Variants in ZNF560 observed in about 807,000 individuals in gnomAD.
ZNF560 encodes the protein zinc finger protein 560.
A neutral mutation model predicts 81.8 loss-of-function variants in ZNF560; 54 were observed. That is an observed-to-expected ratio of 0.66 (90% CI 0.53 to 0.83). ZNF560 has a LOEUF of 0.83. ZNF560 is among the 40% of genes least tolerant of loss of function. The pLI is 0.00. For missense variants in ZNF560, 940 were observed against 932.4 expected, an observed-to-expected ratio of 1.01 and a Z score of -0.11; for synonymous variants, 321 against 317.9, an observed-to-expected ratio of 1.01 and a Z score of -0.10.
chr19:9,475,379 A>G lies in ZNF560; in HGVS notation c.-56-10T>C, dbSNP rs1045038896. 1 of 1,533,926 alleles carries G rather than the reference A, an allele frequency of 6.5e-7. No individual in the cohort carries two copies. Among genetic ancestry groups the G allele is most frequent in the Admixed American group, 1.7e-5 (1 of 58,092 alleles). The stretch of plus-strand genomic sequence containing the variant: ...GGGTTCCTAGAAAGACCTGGAAAAG[A>G]AAGAAGGCATAAGAGCCCAGACATA... On this transcript the variant is annotated splice_polypyrimidine_tract_variant and intron_variant, in intron 2 of 9. Transcript: ENST00000301480.
chr19:9,499,458 G>A (rs2073613220), upstream of ZNF560, among the ~76,000 whole-genome samples: 1 of 152,330 alleles, frequency 6.6e-6, no homozygotes, highest in African/African-American at 2.4e-5. Context: ...CACTCCCGAA[G>A]TGGGATTACA....
chr19:9,456,997 T>C, the ZNF560 span, among the ~76,000 whole-genome samples: 197 of 152,284 alleles, frequency 1.3e-3, no homozygotes, highest in African/African-American at 4.6e-3. Context: ...GATACCATTT[T>C]TGATGGTAAG....
intron 5 of ZNF560, among the ~76,000 whole-genome samples, chr19:9,472,065 G>A (rs1024842241): frequency 4.6e-5 from 7 of 151,482 alleles, no homozygotes; most frequent in Non-Finnish European, 4.4e-5. Context: ...AGCCAAGATC[G>A]TGCCACTGCA....
chr19:9,502,912 T>C (rs942602669), upstream of ZNF560, among the ~76,000 whole-genome samples: 2 of 152,232 alleles, frequency 1.3e-5, no homozygotes, highest in Non-Finnish European at 2.9e-5. Context: ...TTTAGTTTCA[T>C]TGATTCTCAT....
chr19:9,477,196 T>G (rs190476925), intron 2 of ZNF560, among the ~76,000 whole-genome samples: 11 of 152,288 alleles, frequency 7.2e-5, no homozygotes, highest in Admixed American at 7.2e-4. Context: ...TATATACACA[T>G]ACATATGTGC....
At chr19:9,464,581 AT>A (rs1348534443), downstream of ZNF560, among the ~76,000 whole-genome samples, 1 of 152,212 alleles carries the variant, frequency 6.6e-6, no homozygotes, top group Non-Finnish European at 1.5e-5. Flanking sequence ...GTATTTTTAC[AT>A]TTTAAAGCTG....
chr19:9,457,046 G>A, the ZNF560 span, among the ~76,000 whole-genome samples: 16 of 152,206 alleles, frequency 1.1e-4, no homozygotes, highest in Admixed American at 2.6e-4. Context: ...TGACAGACAG[G>A]CCAATATGGA....
chr19:9,468,297 T>C lies in ZNF560; in HGVS notation c.650A>G (p.Lys217Arg). The change falls in exon 10 of 10, where the codon AAG becomes AGG. Residue 217 changes from lysine to arginine, a missense_variant. By Grantham distance (26) the Lys-to-Arg change is conservative. Transcript: ENST00000301480. ...NQNGEELYDC[K>R]QCEDVFCKHP... ...TTTACAGAAGACATCTTCACATTGC[T>C]TACAGTCATAGAGTTCCTCTCCATT... 6.2e-7 allele frequency: 1 copy of C among 1,610,524 alleles called. No individual in the cohort carries two copies.
At chr19:9,471,721 G>C (rs2144692019) in intron 5 of ZNF560, among the ~76,000 whole-genome samples, 1 of 152,322 alleles carries the variant, frequency 6.6e-6, no homozygotes, top group South Asian at 2.1e-4. Flanking sequence ...TAGAAAGTTG[G>C]AGTAGATGGA....
At chr19:9,501,620 G>A (rs998974072), upstream of ZNF560, among the ~76,000 whole-genome samples, 9 of 150,234 alleles carry the variant, frequency 6.0e-5, no homozygotes, top group South Asian at 6.3e-4. Flanking sequence ...CTCAGCCTCC[G>A]AAAGTGCTGG....
the ZNF560 span, among the ~76,000 whole-genome samples, chr19:9,447,755 GAGAA>G: frequency 6.6e-6 from 1 of 152,122 alleles, no homozygotes; most frequent in African/African-American, 2.4e-5. Flanking sequence ...ATTCCAGGGA[GAGAA>G]AGAGAAAAAG....
chr19:9,451,969 A>T, the ZNF560 span, among the ~76,000 whole-genome samples: 2 of 152,048 alleles, frequency 1.3e-5, no homozygotes, highest in Non-Finnish European at 2.9e-5. Flanking sequence ...CCAGCTACTC[A>T]TGAGGCTGAG....
In ZNF560 at chr19:9,475,401, C is replaced by CTT. The variant is rs2073184973; in HGVS notation, c.-56-33_-56-32insAA. 2.3e-6 allele frequency: 3 copies of CTT among 1,312,884 alleles called. No individual in the cohort carries two copies. In the East Asian group the frequency reaches 7.0e-5, roughly 31 times the overall value. The allele number at this position is 1,312,884 out of a possible 1,614,324, so 81.3% of individuals were successfully genotyped here. A position where few individuals can be genotyped will look rare whatever the true frequency, so the allele number is the denominator to read the frequency against. On this transcript the variant is annotated intron_variant, in intron 2 of 9. Coordinates refer to ENST00000301480, the MANE Select transcript of ZNF560 (RefSeq NM_152476.3). ...AAGAAAGAAGGCATAAGAGCCCAGA[C>CTT]ATAATCACAGTTCCAACATTCGCAT...
chr19:9,491,265 A>G (rs2073468347), intron 2 of ZNF560, among the ~76,000 whole-genome samples: 1 of 152,010 alleles, frequency 6.6e-6, no homozygotes, highest in African/African-American at 2.4e-5. Flanking sequence ...GGTGCACATT[A>G]CTACACCAGG....
the ZNF560 span, among the ~76,000 whole-genome samples, chr19:9,457,494 C>A: frequency 2.0e-4 from 30 of 152,292 alleles, no homozygotes; most frequent in African/African-American, 7.2e-4. Flanking sequence ...AGCAATTGAA[C>A]CTACTCATAA....
the ZNF560 span, among the ~76,000 whole-genome samples, chr19:9,449,974 CAAAAAAAAAAAA>C: frequency 4.6e-5 from 2 of 43,376 alleles, no homozygotes; most frequent in African/African-American, 7.2e-5. Context: ...AACTCTGTCT[CAAAAAAAAAAAA>C]AAAAAAAAAA....
At position 9,466,434 on chromosome 19, in the gene ZNF560, A is replaced by G. The variant is rs2073017203; in HGVS notation, c.*140T>C. The G allele has an allele frequency of 1.4e-6, 1 of 736,984 alleles. No homozygotes were observed. Among genetic ancestry groups the G allele is most frequent in the Non-Finnish European group, 2.2e-6 (1 of 455,006 alleles). The allele number at this position is 736,984 out of a possible 1,614,324, so 45.7% of individuals were successfully genotyped here. On this transcript the variant is annotated 3_prime_UTR_variant, in exon 10 of 10. Transcript: ENST00000301480. Reference sequence around the variant, plus strand: ...CTACAGTGTGAGTTTGTACATATCTAGAAAGATTCAACTGTTCAGGCTTTC... The same window carrying G: ...CTACAGTGTGAGTTTGTACATATCTGGAAAGATTCAACTGTTCAGGCTTTC...
At chr19:9,464,036 G>T (rs1224461589), downstream of ZNF560, among the ~76,000 whole-genome samples, 1 of 152,146 alleles carries the variant, frequency 6.6e-6, no homozygotes, top group African/African-American at 2.4e-5. Context: ...ACACTGGCTG[G>T]ATTAAGAACC....
At position 9,468,476 on chromosome 19, in the gene ZNF560, C is replaced by T; in HGVS notation, c.613-142G>A. The T allele has an allele frequency of 4.9e-6, 3 of 614,104 alleles. No homozygotes were observed. The East Asian group carries it at 9.0e-5, about 18-fold the overall frequency. 38.0% of individuals were successfully genotyped at this position (614,104 alleles called of 1,614,324 possible). A position where few individuals can be genotyped will look rare whatever the true frequency, so the allele number is the denominator to read the frequency against. ...TTTCTACCTTTTGGATTTCCTTCAA[C>T]TTGAATAATGGAACCCTACTGTAAG... On this transcript the variant is annotated intron_variant, in intron 9 of 9. Coordinates refer to ENST00000301480, the MANE Select transcript of ZNF560 (RefSeq NM_152476.3).
Sources: gnomAD v4.1 joint callset for allele counts (sites outside exome capture counted in the v4.1 genomes callset) on GRCh38, gnomAD v4.1.1 for gene constraint, MANE v1.5 for transcripts, NCBI Gene and HGNC (gene_info 2026-07-23, HGNC 2026-07-21) for gene names.